The following PLS1 variants were observed in gnomAD, a reference collection of about 807,000 sequenced individuals.
PLS1 encodes plastin-1.
Under a neutral mutation model 73.7 loss-of-function variants are expected in PLS1, and 32 were observed. The ratio of observed to expected loss-of-function variants is 0.43; its 90% CI spans 0.33 to 0.58. PLS1 has a LOEUF of 0.58. Ranked by LOEUF, PLS1 falls within the 20% of genes least tolerant of loss-of-function variation. The probability of loss-of-function intolerance (pLI) is 0.04; values close to 1 mark genes in which losing one functional copy is unlikely to be tolerated. For missense variants in PLS1, 633 were observed against 740.5 expected, an observed-to-expected ratio of 0.85 and a Z score of 1.68; for synonymous variants, 217 against 261.3, an observed-to-expected ratio of 0.83 and a Z score of 1.63.
intron 14 of PLS1, 91 bp downstream of exon 14, chr3:142,704,677 C>T: frequency 3.7e-6 from 2 of 540,538 alleles, no homozygotes; most frequent in Non-Finnish European, 5.5e-6. Flanking sequence ...GAGATGGAGT[C>T]TCGCTCTGTC....
chr3:142,700,913 GT>G (rs1326674597), intron 12 of PLS1, among the ~76,000 whole-genome samples: 1 of 152,152 alleles, frequency 6.6e-6, no homozygotes, highest in Non-Finnish European at 1.5e-5. Flanking sequence ...TTTATCAGGG[GT>G]TTCCGCTTTT....
chr3:142,702,611 G>A (rs1490460153), intron 12 of PLS1, among the ~76,000 whole-genome samples: 2 of 152,110 alleles, frequency 1.3e-5, no homozygotes, highest in Non-Finnish European at 2.9e-5. Context: ...GATTATGAGA[G>A]CTTATAATTT....
At chr3:142,656,915 T>G (rs550907370) in intron 1 of PLS1, 1 of 152,360 alleles carries the variant, frequency 6.6e-6, no homozygotes, top group South Asian at 2.1e-4. Context: ...ATAGGAACAC[T>G]ATCAAGTCTT....
chr3:142,618,972 T>A (rs1460707039), intron 1 of PLS1, among the ~76,000 whole-genome samples: 2 of 152,214 alleles, frequency 1.3e-5, no homozygotes, highest in Non-Finnish European at 2.9e-5. Context: ...GGTATTATCC[T>A]GCCTGCCACA....
intron 1 of PLS1, among the ~76,000 whole-genome samples, chr3:142,658,467 C>T (rs1458557016): frequency 6.9e-5 from 10 of 145,166 alleles, no homozygotes; most frequent in African/African-American, 2.7e-4. Context: ...CAAAGTGAGA[C>T]TTTGTCTCCA....
At chr3:142,698,325 G>T in intron 12 of PLS1, 1 of 285,142 alleles carries the variant, frequency 3.5e-6, no homozygotes, top group Non-Finnish European at 6.5e-6. Context: ...TCCTGTAAAT[G>T]TATTCTTTTT....
In PLS1 at chr3:142,712,550, G is replaced by T. The variant is rs1933188315; in HGVS notation, c.*543G>T. 6.6e-6 allele frequency: 1 copy of T among 152,262 alleles called. No homozygotes were observed. Among genetic ancestry groups the T allele is most frequent in the Non-Finnish European group, 1.5e-5 (1 of 67,968 alleles). 9.4% of individuals were successfully genotyped at this position (152,262 alleles called of 1,614,324 possible). A position where few individuals can be genotyped will look rare whatever the true frequency, so the allele number is the denominator to read the frequency against. On this transcript the variant is annotated 3_prime_UTR_variant, in exon 16 of 16. Transcript: ENST00000457734. Reference sequence around the variant, plus strand: ...TAATATCAAACTTTTTTATATATGAGAACTAATTCTTGAATAAACCCCAAA... The same window carrying T: ...TAATATCAAACTTTTTTATATATGATAACTAATTCTTGAATAAACCCCAAA...
At chr3:142,662,619 G>A (rs1442249191) in intron 1 of PLS1, among the ~76,000 whole-genome samples, 2 of 152,072 alleles carry the variant, frequency 1.3e-5, no homozygotes, top group Admixed American at 1.3e-4. Flanking sequence ...AAAAATGTAA[G>A]TAATTCTACT....
intron 1 of PLS1, among the ~76,000 whole-genome samples, chr3:142,612,846 A>G (rs2036148194): frequency 6.6e-6 from 1 of 151,986 alleles, no homozygotes. Flanking sequence ...ATCTTGGCTC[A>G]CTCCAACTTC....
chr3:142,661,494 T>C (rs972734802), intron 1 of PLS1, among the ~76,000 whole-genome samples: 9 of 152,172 alleles, frequency 5.9e-5, no homozygotes, highest in Non-Finnish European at 1.2e-4. Context: ...CCAAAATTCC[T>C]GAATAAATTT....
intron 1 of PLS1, among the ~76,000 whole-genome samples, chr3:142,639,850 T>C (rs2036790621): frequency 6.6e-6 from 1 of 152,192 alleles, no homozygotes; most frequent in Non-Finnish European, 1.5e-5. Flanking sequence ...AATATTTTTT[T>C]CTATATCCCC....
intron 1 of PLS1, among the ~76,000 whole-genome samples, chr3:142,621,033 A>C (rs1327058337): frequency 6.6e-6 from 1 of 152,082 alleles, no homozygotes; most frequent in Non-Finnish European, 1.5e-5. Context: ...AAATAAAATA[A>C]AATAAAAGAG....
At chr3:142,615,218 A>T (rs1485104871) in intron 1 of PLS1, among the ~76,000 whole-genome samples, 3 of 152,172 alleles carry the variant, frequency 2.0e-5, no homozygotes, top group Non-Finnish European at 4.4e-5. Flanking sequence ...TGACCCAGAG[A>T]AGTGATGTAG....
At chr3:142,704,047 A>G (rs750619436) in intron 13 of PLS1, 46 bp downstream of exon 13, 7 of 1,569,672 alleles carry the variant, frequency 4.5e-6, no homozygotes, top group Non-Finnish European at 6.1e-6. Context: ...TTCCTCCAAC[A>G]AGTAATCTGA....
intron 4 of PLS1, among the ~76,000 whole-genome samples, chr3:142,671,966 G>A (rs1314761656): frequency 6.6e-6 from 1 of 152,066 alleles, no homozygotes; most frequent in African/African-American, 2.4e-5. Context: ...CAGCCATAAA[G>A]GCAAAGGTCC....
At chr3:142,663,341 T>A (rs2037411759) in intron 1 of PLS1, among the ~76,000 whole-genome samples, 1 of 152,224 alleles carries the variant, frequency 6.6e-6, no homozygotes, top group Non-Finnish European at 1.5e-5. Context: ...TATCAATTAT[T>A]TTCTGCAGTG....
rs372041373 is a variant in PLS1 at position 142,636,942 on chromosome 3, G to T, written c.-36-27260G>T. 2.0e-3 allele frequency among the ~76,000 whole-genome samples: 297 copies of T among 152,280 alleles called. 1 individual carries two copies. Among genetic ancestry groups the T allele is most frequent in the African/African-American group, 6.6e-3 (273 of 41,556 alleles). On this transcript the variant is annotated intron_variant, in intron 1 of 15. Coordinates refer to ENST00000457734, the MANE Select transcript of PLS1 (RefSeq NM_001145319.2). The stretch of plus-strand genomic sequence containing the variant: ...TGTTGGTGAATATGTGGAGGAACGC[G>T]AAATCTCATACACTATTGATGGGAC...
At position 142,684,285 on chromosome 3, in the gene PLS1, C is replaced by T; in HGVS notation, c.778C>T (p.Leu260=). The T allele has an allele frequency of 1.9e-6, 3 of 1,614,072 alleles. No individual in the cohort carries two copies. Among genetic ancestry groups the T allele is most frequent in the Non-Finnish European group, 2.5e-6 (3 of 1,179,960 alleles). Residue 260 remains leucine, a synonymous_variant, in exon 8 of 16, where the codon CTA becomes TTA. Coordinates refer to ENST00000457734, the MANE Select transcript of PLS1 (RefSeq NM_001145319.2). ...TGCATTGTTAAATGAAGGTGAGGAA[C>T]TAGAGGAGCTGATGAAGCTTTCTCC... ...LIALLNEGEE[L]EELMKLSPEE...
At position 142,696,748 on chromosome 3, in the gene PLS1, AATAATAATAAT is replaced by A. The variant is rs1247804193; in HGVS notation, c.1257-1203_1257-1193del. The stretch of plus-strand genomic sequence containing the variant: ...TAATAATAATAATAATAATAATAAT[AATAATAATAAT>A]ACCATACTAGACAGGAATGAGAATG... On this transcript the variant is annotated intron_variant, in intron 11 of 15. Transcript: ENST00000457734. Among the ~76,000 whole-genome samples, 94 of 148,850 alleles carry A rather than the reference AATAATAATAAT, an allele frequency of 6.3e-4. 1 individual carries two copies. Among genetic ancestry groups the A allele is most frequent in the African/African-American group, 2.1e-3 (87 of 40,928 alleles).
Sources: gnomAD v4.1 joint callset for allele counts (sites outside exome capture counted in the v4.1 genomes callset) on GRCh38, gnomAD v4.1.1 for gene constraint, MANE v1.5 for transcripts, NCBI Gene and HGNC (gene_info 2026-07-23, HGNC 2026-07-21) for gene names.